ADGRG2: variants seen among roughly 807,000 people sequenced by gnomAD.
The protein encoded by ADGRG2 is adhesion G protein-coupled receptor G2.
A neutral mutation model predicts 74.1 loss-of-function variants in ADGRG2; 26 were observed. That is an observed-to-expected ratio of 0.35 (90% CI 0.26 to 0.49). ADGRG2 has a LOEUF of 0.49. Ranked by LOEUF, ADGRG2 falls within the 20% of genes least tolerant of loss-of-function variation. The pLI, the probability that ADGRG2 is intolerant of heterozygous loss-of-function variation, is 0.99. For missense variants in ADGRG2, 619 were observed against 763.1 expected (o/e 0.81, Z 2.22); for synonymous variants, 296 against 295.2 (o/e 1.00, Z -0.03).
In ADGRG2 at chrX:19,008,052, A is replaced by T. The variant is rs758789500; in HGVS notation, c.1494T>A (p.Asn498Lys). Residue 498 changes from asparagine (N) to lysine (K), a missense_variant, in exon 19 of 29, where the codon AAT becomes AAA. Physicochemically the swap from Asn to Lys is moderately conservative, Grantham distance 94. Coordinates refer to ENST00000379869, the MANE Select transcript of ADGRG2 (RefSeq NM_001079858.3). The part of the protein sequence containing the change: ...TITLPSSLMN[N>K]LPAHDMELAS... ...CTAGCTCCATGTCATGAGCTGGTAA[A>T]TTATTCATCAGCGATGAAGGAAGAG... 10 of 1,194,920 alleles carry T rather than the reference A, an allele frequency of 8.4e-6. No individual in the cohort carries two copies. The highest frequency in any genetic ancestry group is 2.3e-4 in the Middle Eastern group (1 of 4,337).
intron 8 of ADGRG2, chrX:19,032,225 A>G (rs1224442072): frequency 9.0e-6 from 1 of 111,626 alleles, no homozygotes; most frequent in East Asian, 2.8e-4. Flanking sequence ...TGATTTTGTG[A>G]GCAAATTAAA....
chrX:19,011,302 CTTGA>C (rs1369780883), intron 16 of ADGRG2, among the ~76,000 whole-genome samples: 1 of 111,528 alleles, frequency 9.0e-6, no homozygotes, highest in East Asian at 2.8e-4. Flanking sequence ...ACTTATGTAT[CTTGA>C]TTATGATGGT....
chrX:19,036,884 T>C (rs1199124119), intron 6 of ADGRG2, among the ~76,000 whole-genome samples: 1 of 111,216 alleles, frequency 9.0e-6, no homozygotes, highest in Non-Finnish European at 1.9e-5. Flanking sequence ...TGGGGTTTCA[T>C]CGCAATAAGA....
At chrX:19,050,277 A>C (rs1197300222) in intron 3 of ADGRG2, among the ~76,000 whole-genome samples, 1 of 111,144 alleles carries the variant, frequency 9.0e-6, no homozygotes, top group Non-Finnish European at 1.9e-5. Context: ...GCATTTATCC[A>C]AGTCTCCCTC....
rs757680168 is a variant in ADGRG2, at chrX:19,047,044, G to A, written c.119-6820C>T. Reference sequence around the variant, plus strand: ...AACAAGGCAAAATGACTAATGCAGAGTCAACAGAGCAAAGACTCAAGAATA... The same window carrying A: ...AACAAGGCAAAATGACTAATGCAGAATCAACAGAGCAAAGACTCAAGAATA... On this transcript the variant is annotated intron_variant, in intron 3 of 28. Transcript: ENST00000379869. Among the ~76,000 whole-genome samples, 108 of 112,067 alleles carry A rather than the reference G, an allele frequency of 9.6e-4. 1 individual carries two copies. The highest frequency in any genetic ancestry group is 1.3e-3 in the Non-Finnish European group (70 of 53,174).
intron 1 of ADGRG2, among the ~76,000 whole-genome samples, chrX:19,083,692 G>C (rs780661537): frequency 2.7e-5 from 3 of 112,281 alleles, no homozygotes; most frequent in African/African-American, 9.7e-5. Context: ...ACCCAAGGCA[G>C]AGAGCATTGC....
At chrX:19,057,841 AAAAATAAAAAT>A (rs2061429661) in intron 3 of ADGRG2, among the ~76,000 whole-genome samples, 1 of 111,527 alleles carries the variant, frequency 9.0e-6, no homozygotes, top group Non-Finnish European at 1.9e-5. Context: ...CCTGTCTCTA[AAAAATAAAAAT>A]AAAATAAAAA....
chrX:19,074,553 C>T (rs374385916), intron 2 of ADGRG2, among the ~76,000 whole-genome samples: 6 of 85,033 alleles, frequency 7.1e-5, no homozygotes, highest in African/African-American at 3.0e-4. Context: ...CTTTCTTCTT[C>T]TTCTTCTTCT....
intron 8 of ADGRG2, 146 bp downstream of exon 8, chrX:19,033,467 C>T (rs981862158): frequency 2.0e-5 from 8 of 395,001 alleles, no homozygotes; most frequent in Non-Finnish European, 3.6e-5. Context: ...ATTTCAGGTA[C>T]CCAGTGCATA....
At chrX:19,058,201 G>A (rs931828826) in intron 3 of ADGRG2, among the ~76,000 whole-genome samples, 3 of 111,848 alleles carry the variant, frequency 2.7e-5, no homozygotes, top group African/African-American at 9.7e-5. Flanking sequence ...AGGCACGGGG[G>A]TTATAGCAGG....
intron 8 of ADGRG2, chrX:19,031,260 T>C: frequency 2.6e-6 from 1 of 389,272 alleles, no homozygotes; most frequent in Non-Finnish European, 4.5e-6. Context: ...CTTTAGTATG[T>C]CAATATCTGA....
chrX:19,007,176 A>G (rs1569365397), intron 20 of ADGRG2, 59 bp downstream of exon 20: 1 of 1,168,168 alleles, frequency 8.6e-7, no homozygotes, highest in East Asian at 3.0e-5. Context: ...ATGCCTTACA[A>G]GCATAGTTTG....
chrX:19,019,423 T>G, intron 15 of ADGRG2, 176 bp downstream of exon 15: 1 of 411,422 alleles, frequency 2.4e-6, no homozygotes, highest in Non-Finnish European at 4.3e-6. Context: ...GCAGCTAAGA[T>G]TTCAAACCAC....
At chrX:19,008,944 G>GAA (rs1258423442) in intron 18 of ADGRG2, among the ~76,000 whole-genome samples, 2 of 111,433 alleles carry the variant, frequency 1.8e-5, no homozygotes, top group African/African-American at 6.5e-5. Context: ...TAGGTGGACA[G>GAA]AAAACACTAG....
At chrX:19,099,494 T>C (rs1255978829) in intron 1 of ADGRG2, among the ~76,000 whole-genome samples, 1 of 111,920 alleles carries the variant, frequency 8.9e-6, no homozygotes, top group Non-Finnish European at 1.9e-5. Flanking sequence ...AGGCATACAA[T>C]TATGACTGCT....
intron 13 of ADGRG2, among the ~76,000 whole-genome samples, chrX:19,022,461 G>A (rs2060611032): frequency 9.0e-6 from 1 of 111,250 alleles, no homozygotes; most frequent in African/African-American, 3.3e-5. Context: ...GCCCTTATTT[G>A]TACCAATGAA....
intron 3 of ADGRG2, among the ~76,000 whole-genome samples, chrX:19,068,293 A>C (rs1397131819): frequency 8.9e-6 from 1 of 112,604 alleles, no homozygotes; most frequent in African/African-American, 3.2e-5. Flanking sequence ...GTTAAAAAGA[A>C]TGAAATTCTG....
chrX:19,079,604 C>T (rs759702577), intron 2 of ADGRG2, among the ~76,000 whole-genome samples: 1 of 112,239 alleles, frequency 8.9e-6, no homozygotes, highest in African/African-American at 3.2e-5. Flanking sequence ...AACTCTAAAA[C>T]AGCAGCCTTG....
intron 1 of ADGRG2, among the ~76,000 whole-genome samples, chrX:19,094,261 T>G (rs1302122645): frequency 9.0e-6 from 1 of 110,954 alleles, no homozygotes; most frequent in Non-Finnish European, 1.9e-5. Context: ...CTAACGGCTA[T>G]AATGTACACT....
Sources: allele counts gnomAD v4.1 joint callset (sites outside exome capture counted in the v4.1 genomes callset), GRCh38; gene constraint gnomAD v4.1.1; transcripts MANE v1.5; gene names NCBI Gene and HGNC (gene_info 2026-07-23, HGNC 2026-07-21).